Variants in ANKRD13D observed in about 807,000 individuals in gnomAD.
ANKRD13D encodes the protein ankyrin repeat domain 13D.
Under a neutral mutation model 68.8 loss-of-function variants are expected in ANKRD13D, and 24 were observed. The observed-to-expected ratio is 0.35, with a 90% CI of 0.25 to 0.49. The LOEUF is 0.49. Ranked by LOEUF, ANKRD13D falls within the 20% of genes least tolerant of loss-of-function variation. The pLI, the probability that ANKRD13D is intolerant of heterozygous loss-of-function variation, is 0.99. For synonymous variants in ANKRD13D, 331 were observed against 336.1 expected, an observed-to-expected ratio of 0.98 and a Z score of 0.16; for missense variants, 735 against 832.1, an observed-to-expected ratio of 0.88 and a Z score of 1.44.
At chr11:67,291,902 G>A in intron 5 of ANKRD13D, 89 bp from the exon 6 acceptor site, 7 of 1,508,398 alleles carry the variant, frequency 4.6e-6, no homozygotes, top group Non-Finnish European at 5.3e-6. Flanking sequence ...CTTGGCAGCA[G>A]GTGGCTGAGG....
At chr11:67,294,539 G>GT (rs1052986838) in intron 6 of ANKRD13D, among the ~76,000 whole-genome samples, 8 of 149,972 alleles carry the variant, frequency 5.3e-5, no homozygotes, top group South Asian at 2.1e-4. Context: ...GTTTTGTTTT[G>GT]TTTTTTTGTT....
rs768484233 is a variant in ANKRD13D at position 67,301,633 on chromosome 11, G to A, written c.1494G>A (p.Ala498=). 2.3e-5 allele frequency: 37 copies of A among 1,612,414 alleles called. No individual in the cohort carries two copies. Among genetic ancestry groups the A allele is most frequent in the Admixed American group, 1.2e-4 (7 of 59,992 alleles). The change falls in exon 13 of 15, where the codon GCG becomes GCA. Residue 498 remains alanine, a synonymous_variant. Transcript: ENST00000511455. The surrounding 1 kb of genome is among the most constrained non-coding windows in gnomAD (Gnocchi z 4.5). ...CCATCCAGCAGAGCCTGCTTGAAGC[G>A]GGCACTGAGGCGGAGCAGGTGGGAC... The part of the protein sequence containing the change: ...QFAIQQSLLE[A]GTEAEQVTVW...
At chr11:67,296,382 TTTG>T in intron 6 of ANKRD13D, among the ~76,000 whole-genome samples, 1 of 151,942 alleles carries the variant, frequency 6.6e-6, no homozygotes, top group South Asian at 2.1e-4. Context: ...TGTATAGTTT[TTTG>T]TTGTTATATT....
At chr11:67,292,709 TTAGTA>T (rs1860615768) in intron 6 of ANKRD13D, among the ~76,000 whole-genome samples, 1 of 152,166 alleles carries the variant, frequency 6.6e-6, no homozygotes, top group African/African-American at 2.4e-5. Flanking sequence ...TCAATGACTT[TTAGTA>T]TATTTATTCA....
Position 67,291,441 on chromosome 11 carries a change from G to T in ANKRD13D, c.352-35G>T, listed in dbSNP as rs1860540647. Reference sequence around the variant, plus strand: ...CCAGGCCTGCTGGAGCCAGCAGCAGGCAGGGCGCTGACAAGCAGCTCTGGT... The same window carrying T: ...CCAGGCCTGCTGGAGCCAGCAGCAGTCAGGGCGCTGACAAGCAGCTCTGGT... On this transcript the variant is annotated intron_variant, in intron 3 of 14. Coordinates refer to ENST00000511455, the MANE Select transcript of ANKRD13D (RefSeq NM_207354.3). 3 of 1,612,816 alleles carry T rather than the reference G, an allele frequency of 1.9e-6. No homozygotes were observed. In the African/African-American group the frequency reaches 4.0e-5, roughly 22 times the overall value.
At position 67,300,164 on chromosome 11, in the gene ANKRD13D, G is replaced by A. The variant is rs763526520; in HGVS notation, c.1073+41G>A. 6.2e-7 allele frequency: 1 copy of A among 1,611,182 alleles called. No individual in the cohort carries two copies. The highest frequency in any genetic ancestry group is 2.2e-5 in the East Asian group (1 of 44,862). On this transcript the variant is annotated intron_variant, in intron 10 of 14. Coordinates refer to ENST00000511455, the MANE Select transcript of ANKRD13D (RefSeq NM_207354.3). This position sits in a 1 kb window ranked among gnomAD's most constrained non-coding sequence, Gnocchi z 4.3. Reference sequence around the variant, plus strand: ...TGGCTGGGGACTTGCCTCGGGACAAGGGCTCTTGCAGACCCCTCTCTGGGC... The same window carrying A: ...TGGCTGGGGACTTGCCTCGGGACAAAGGCTCTTGCAGACCCCTCTCTGGGC...
rs191628952 is a variant in ANKRD13D at position 67,300,470 on chromosome 11, C to T, written c.1073+347C>T. 6 of 349,286 alleles carry T rather than the reference C, an allele frequency of 1.7e-5. No individual in the cohort carries two copies. The highest frequency in any genetic ancestry group is 1.1e-4 in the East Asian group (2 of 17,840). 21.6% of individuals were successfully genotyped at this position (349,286 alleles called of 1,614,324 possible). A position where few individuals can be genotyped will look rare whatever the true frequency, so the allele number is the denominator to read the frequency against. On this transcript the variant is annotated intron_variant, in intron 10 of 14. Transcript: ENST00000511455. The surrounding 1 kb of genome is among the most constrained non-coding windows in gnomAD (Gnocchi z 4.3). The stretch of plus-strand genomic sequence containing the variant: ...CTGCCTTGGTGGAACAGAACAGTTA[C>T]GCTCTTGCCTCGTGAGGAGCCTTGA...
At chr11:67,289,795 A>G (rs1263576134) in intron 1 of ANKRD13D, 1 of 1,419,690 alleles carries the variant, frequency 7.0e-7, no homozygotes, top group Non-Finnish European at 9.2e-7. Flanking sequence ...TGCTGACCCA[A>G]GCTGAGAACA....
intron 6 of ANKRD13D, among the ~76,000 whole-genome samples, chr11:67,292,806 C>T (rs1157145233): frequency 2.0e-5 from 3 of 152,128 alleles, no homozygotes; most frequent in Admixed American, 6.5e-5. Context: ...GCTAACTCTT[C>T]GCCAAACTTC....
At chr11:67,293,101 A>G (rs796311459) in intron 6 of ANKRD13D, among the ~76,000 whole-genome samples, 1 of 152,160 alleles carries the variant, frequency 6.6e-6, no homozygotes, top group Non-Finnish European at 1.5e-5. Context: ...ATGCCACTCT[A>G]AGTATTCATG....
At chr11:67,297,618 C>T (rs550520492) in intron 6 of ANKRD13D, among the ~76,000 whole-genome samples, 33 of 151,910 alleles carry the variant, frequency 2.2e-4, no homozygotes, top group African/African-American at 6.8e-4. Context: ...CTCCGCCTCC[C>T]GGGTTCACGC....
Position 67,289,455 on chromosome 11 carries a change from C to T in ANKRD13D, c.-6C>T. The T allele has an allele frequency of 6.7e-7, 1 of 1,483,602 alleles. No individual in the cohort carries two copies. The highest frequency in any genetic ancestry group is 2.9e-5 in the East Asian group (1 of 34,860). The allele number at this position is 1,483,602 out of a possible 1,614,324, so 91.9% of individuals were successfully genotyped here. A position where few individuals can be genotyped will look rare whatever the true frequency, so the allele number is the denominator to read the frequency against. ...GCGGGGCCGGGATGCGGCGCTGAGG[C>T]CCAGCATGGCCGGCCCGGGCCCCAC... On this transcript the variant is annotated 5_prime_UTR_variant, in exon 1 of 15. Transcript: ENST00000511455.
At chr11:67,290,478 A>G in intron 3 of ANKRD13D, 32 bp downstream of exon 3, 1 of 1,540,484 alleles carries the variant, frequency 6.5e-7, no homozygotes, top group Non-Finnish European at 8.8e-7. Flanking sequence ...GAGGTGGGGT[A>G]CCATGGCAGG....
At position 67,299,996 on chromosome 11, in the gene ANKRD13D, C is replaced by G. The variant is rs774196086; in HGVS notation, c.946C>G (p.Pro316Ala). 2.5e-6 allele frequency: 4 copies of G among 1,612,648 alleles called. No individual in the cohort carries two copies. The East Asian group carries it at 8.9e-5, about 36-fold the overall frequency. ...AQQHSSHTGAPVQQAASPTNP... is the reference protein window; with the variant it reads ...AQQHSSHTGAAVQQAASPTNP... ...GTCCGCCCTGGGACCCACGCAGGCC[C>G]CCGTGCAGCAGGCAGCCAGCCCCAC... Residue 316 changes from proline (P) to alanine (A), a missense_variant, in exon 10 of 15, where the codon CCC becomes GCC. By Grantham distance (27) the Pro-to-Ala change is conservative (BLOSUM62 -1). Coordinates refer to ENST00000511455, the MANE Select transcript of ANKRD13D (RefSeq NM_207354.3). The surrounding 1 kb of genome is among the most constrained non-coding windows in gnomAD (Gnocchi z 6.2).
chr11:67,290,127 C>T lies in ANKRD13D; in HGVS notation c.140C>T (p.Ala47Val), dbSNP rs1209960915. 1 of 1,537,146 alleles carries T rather than the reference C, an allele frequency of 6.5e-7. No homozygotes were observed. Among genetic ancestry groups the T allele is most frequent in the Non-Finnish European group, 8.7e-7 (1 of 1,146,898 alleles). The part of the protein sequence containing the change: ...DPRGRTPLEL[A>V]VSLGNLESVR... ...CGCGGGCGGACCCCACTGGAGCTGG[C>T]CGTGTCTCTGGGAAACCTGGAGTCT... is the stretch of plus-strand genomic sequence containing the variant. The change falls in exon 2 of 15, where the codon GCC (alanine) becomes GTC (valine). Residue 47 changes from alanine (A) to valine (V), a missense_variant. By Grantham distance (64) the Ala-to-Val change is moderately conservative. Transcript: ENST00000511455.
At chr11:67,294,799 C>T (rs369237025) in intron 6 of ANKRD13D, among the ~76,000 whole-genome samples, 2 of 152,082 alleles carry the variant, frequency 1.3e-5, no homozygotes, top group East Asian at 1.9e-4. Context: ...TGTGAGCCAC[C>T]GTGCCTGGCC....
chr11:67,289,592 C>A, intron 1 of ANKRD13D, 42 bp downstream of exon 1: 1 of 1,500,514 alleles, frequency 6.7e-7, no homozygotes, highest in Admixed American at 2.1e-5. Context: ...CCCGGGTCCC[C>A]CACCCAAGGC....
intron 1 of ANKRD13D, 46 bp downstream of exon 1, chr11:67,289,596 C>A: frequency 6.7e-7 from 1 of 1,483,004 alleles, no homozygotes; most frequent in South Asian, 1.2e-5. Flanking sequence ...GGTCCCCCAC[C>A]CAAGGCTGTG....
chr11:67,292,070 G>A lies in ANKRD13D; in HGVS notation c.621G>A (p.Glu207=), dbSNP rs745586530. Residue 207 remains glutamate (E), a synonymous_variant, in exon 6 of 15, where the codon GAG becomes GAA. Transcript: ENST00000511455. ...HVETLGLTLQ[E]PETLLAAMRP... is the part of the protein sequence containing the mutation. ...AGACACTGGGGCTCACTCTGCAGGAGCCCGAAACACTGCTGGCCGCCATGC... is the reference window on the plus strand; with the variant it reads ...AGACACTGGGGCTCACTCTGCAGGAACCCGAAACACTGCTGGCCGCCATGC... 1.9e-6 allele frequency: 3 copies of A among 1,611,576 alleles called. No homozygotes were observed. Among genetic ancestry groups the A allele is most frequent in the African/African-American group, 1.3e-5 (1 of 74,924 alleles).
Sources: allele counts gnomAD v4.1 joint callset (sites outside exome capture counted in the v4.1 genomes callset), GRCh38; gene constraint gnomAD v4.1.1; non-coding constraint Gnocchi (gnomAD v3.1); transcripts MANE v1.5; gene names NCBI Gene and HGNC (gene_info 2026-07-23, HGNC 2026-07-21).